Variants in TTYH3 observed in about 807,000 individuals in gnomAD.
TTYH3 encodes protein tweety homolog 3.
Under a neutral mutation model 68.2 loss-of-function variants are expected in TTYH3, and 23 were observed. The observed-to-expected ratio is 0.34, with a 90% CI of 0.24 to 0.48. The LOEUF (loss-of-function observed/expected upper bound fraction) is 0.48, where lower values mean the gene tolerates loss of function less well. Ranked by LOEUF, TTYH3 falls within the 20% of genes least tolerant of loss-of-function variation. The pLI is 0.99. For missense variants in TTYH3, 768 were observed against 727.7 expected, an observed-to-expected ratio of 1.06 and a Z score of -0.64; for synonymous variants, 360 against 332.8, an observed-to-expected ratio of 1.08 and a Z score of -0.89.
In TTYH3 at chr7:2,663,946, T is replaced by A. The variant is rs1403344272; in HGVS notation, c.*2207T>A. ...CCTGCCATTGGTTGTATTTTTGTTC[T>A]GAGTTTTCGGTGCCGTGTTCCTAAC... is the stretch of plus-strand genomic sequence containing the variant. On this transcript the variant is annotated 3_prime_UTR_variant, in exon 14 of 14. Transcript: ENST00000258796. 1 of 152,458 alleles carries A rather than the reference T, an allele frequency of 6.6e-6. No individual in the cohort carries two copies. The highest frequency in any genetic ancestry group is 2.4e-5 in the African/African-American group (1 of 41,470). 9.4% of individuals were successfully genotyped at this position (152,458 alleles called of 1,614,324 possible). A position where few individuals can be genotyped will look rare whatever the true frequency, so the allele number is the denominator to read the frequency against.
intron 13 of TTYH3, chr7:2,660,183 C>G (rs1401946735): frequency 8.7e-7 from 1 of 1,153,420 alleles, no homozygotes; most frequent in African/African-American, 1.7e-5. Context: ...GCTCTGAGTG[C>G]CACGGCTCAG....
intron 6 of TTYH3, 60 bp from the exon 7 acceptor site, chr7:2,649,853 G>A (rs145405862): frequency 2.4e-4 from 378 of 1,592,312 alleles, no homozygotes; most frequent in Non-Finnish European, 3.1e-4. Flanking sequence ...TTCTACCCCC[G>A]AGAGCTTCCC....
chr7:2,647,972 C>A lies in TTYH3; in HGVS notation c.640C>A (p.Leu214Met), dbSNP rs1382870748. The A allele has an allele frequency of 1.2e-6, 2 of 1,608,998 alleles. No individual in the cohort carries two copies. Among genetic ancestry groups the A allele is most frequent in the African/African-American group, 2.7e-5 (2 of 74,922 alleles). ...GTTTGCCTGCAGGTGGCTGGGCTAC[C>A]TGGGCCTGCTGCTGCTGGACGTCAT... ...LYDWYRWLGY[L>M]GLLLLDVIIC... is the part of the protein sequence containing the mutation. Residue 214 changes from leucine (L) to methionine (M), a missense_variant, in exon 5 of 14, where the codon CTG (leucine) becomes ATG (methionine). Transcript: ENST00000258796.
intron 1 of TTYH3, among the ~76,000 whole-genome samples, chr7:2,633,656 A>G (rs1785584918): frequency 6.6e-6 from 1 of 152,230 alleles, no homozygotes; most frequent in African/African-American, 2.4e-5. Context: ...TGGCTTTGCC[A>G]CTTGTCCCTG....
intron 7 of TTYH3, among the ~76,000 whole-genome samples, chr7:2,651,169 T>C (rs1298934174): frequency 6.6e-6 from 1 of 152,068 alleles, no homozygotes; most frequent in African/African-American, 2.4e-5. Context: ...AGGCCCCCCT[T>C]GTGGAATTAT....
chr7:2,649,546 G>A (rs1258665132), intron 5 of TTYH3, 21 bp from the exon 6 acceptor site: 1 of 1,567,252 alleles, frequency 6.4e-7, no homozygotes, highest in Non-Finnish European at 8.6e-7. Context: ...GGGGGCTGCT[G>A]ACTGGCTGTC....
chr7:2,635,160 G>C (rs1374819619), intron 1 of TTYH3, among the ~76,000 whole-genome samples: 1 of 152,190 alleles, frequency 6.6e-6, no homozygotes, highest in African/African-American at 2.4e-5. Context: ...CCCTGCAGCT[G>C]AGCTGGCAGG....
rs560942900 is a variant in TTYH3 at position 2,640,371 on chromosome 7, G to A, written c.124-6482G>A. On this transcript the variant is annotated intron_variant, in intron 1 of 13. Coordinates refer to ENST00000258796, the MANE Select transcript of TTYH3 (RefSeq NM_025250.3). The stretch of plus-strand genomic sequence containing the variant: ...GCGGGGTGGGCAGCTGCTCCCAGGC[G>A]TGTGCATGTAGAGCAGCCGCCTGTG... Among the ~76,000 whole-genome samples the A allele has an allele frequency of 4.3e-4, 65 of 152,154 alleles. No homozygotes were observed. In the South Asian group the frequency reaches 6.0e-3, roughly 14 times the overall value.
In TTYH3 at chr7:2,646,973, G is replaced by A. The variant is rs1480625854; in HGVS notation, c.244G>A (p.Asp82Asn). 7 of 1,594,908 alleles carry A rather than the reference G, an allele frequency of 4.4e-6. No individual in the cohort carries two copies. The highest frequency in any genetic ancestry group is 1.3e-5 in the African/African-American group (1 of 74,806). ...CAAGAGCGAGGAGCACCTGGACGCC[G>A]ACTGCTGCTGCACGGCCTGGTGTGT... ...RRKSEEHLDA[D>N]CCCTAWCVII... Residue 82 changes from aspartate to asparagine, a missense_variant, in exon 2 of 14, where the codon GAC becomes AAC. Physicochemically the swap from Asp to Asn is conservative, Grantham distance 23. Transcript: ENST00000258796.
Position 2,652,253 on chromosome 7 carries a change from G to A in TTYH3, c.927+11G>A, listed in dbSNP as rs774057132. 1 of 1,610,536 alleles carries A rather than the reference G, an allele frequency of 6.2e-7. No individual in the cohort carries two copies. The highest frequency in any genetic ancestry group is 1.1e-5 in the South Asian group (1 of 91,050). On this transcript the variant is annotated intron_variant, in intron 8 of 13. Transcript: ENST00000258796. Reference sequence around the variant, plus strand: ...AACCCCTTCCAGCAGGTGAGAGCCTGGGAGGCCGGGACTGGGCTTCAGGAG... The same window carrying A: ...AACCCCTTCCAGCAGGTGAGAGCCTAGGAGGCCGGGACTGGGCTTCAGGAG...
chr7:2,660,147 C>T (rs1176783337), intron 13 of TTYH3: 87 of 1,191,736 alleles, frequency 7.3e-5, no homozygotes, highest in Non-Finnish European at 2.2e-5. Context: ...GGGGCTCCAT[C>T]TGTCCGGCTC....
At position 2,656,130 on chromosome 7, in the gene TTYH3, G is replaced by A. The variant is rs2109350; in HGVS notation, c.1059G>A (p.Thr353=). 3,938 of 1,569,154 alleles carry A rather than the reference G, an allele frequency of 2.5e-3. 76 individuals carry two copies. The African/African-American group carries it at 0.047, about 19-fold the overall frequency. ...GCGTCCAGGAGGTGCTGAATGGCAC[G>A]GAGGTGAACCTGCAGCACCTCACCG... ...LLRVQEVLNG[T]EVNLQHLTAL... is the part of the protein sequence containing the mutation. The change falls in exon 10 of 14, where the codon ACG becomes ACA. Residue 353 remains threonine, a synonymous_variant. Transcript: ENST00000258796.
chr7:2,637,548 G>C (rs955173443), intron 1 of TTYH3, among the ~76,000 whole-genome samples: 20 of 151,992 alleles, frequency 1.3e-4, no homozygotes, highest in Non-Finnish European at 2.8e-4. Context: ...CAGGGGTGCA[G>C]GTTTAGGGGG....
chr7:2,658,850 G>C, intron 12 of TTYH3, 90 bp from the exon 13 acceptor site: 4 of 1,273,820 alleles, frequency 3.1e-6, no homozygotes, highest in Non-Finnish European at 4.5e-6. Context: ...GCCCATCTGG[G>C]CACAGCGGGC....
intron 11 of TTYH3, among the ~76,000 whole-genome samples, chr7:2,657,978 C>T (rs1786383719): frequency 6.6e-6 from 1 of 152,208 alleles, no homozygotes; most frequent in South Asian, 2.1e-4. Context: ...CCCTGGCCTC[C>T]TGCACTCTCC....
At chr7:2,642,161 G>A (rs992520139) in intron 1 of TTYH3, among the ~76,000 whole-genome samples, 5 of 152,228 alleles carry the variant, frequency 3.3e-5, no homozygotes, top group South Asian at 4.1e-4. Context: ...TTGGGAGGCC[G>A]AGGCAGGTGG....
At position 2,649,562 on chromosome 7, in the gene TTYH3, C is replaced by T; in HGVS notation, c.723-5C>T. 2 of 1,579,830 alleles carry T rather than the reference C, an allele frequency of 1.3e-6. No homozygotes were observed. Among genetic ancestry groups the T allele is most frequent in the Non-Finnish European group, 1.7e-6 (2 of 1,170,028 alleles). On this transcript the variant is annotated splice_region_variant and splice_polypyrimidine_tract_variant and intron_variant, in intron 5 of 13. Coordinates refer to ENST00000258796, the MANE Select transcript of TTYH3 (RefSeq NM_025250.3). Reference sequence around the variant, plus strand: ...GGGGCTGCTGACTGGCTGTCTCTGCCCCAGGGTCTGCCTGCTGGGAGTCCT... The same window carrying T: ...GGGGCTGCTGACTGGCTGTCTCTGCTCCAGGGTCTGCCTGCTGGGAGTCCT...
At chr7:2,644,016 T>C (rs981782839) in intron 1 of TTYH3, among the ~76,000 whole-genome samples, 4 of 152,068 alleles carry the variant, frequency 2.6e-5, no homozygotes, top group Non-Finnish European at 5.9e-5. Flanking sequence ...GGGAGGCCTC[T>C]GCAAGTGGAG....
intron 13 of TTYH3, chr7:2,660,512 T>G: frequency 1.0e-6 from 1 of 985,286 alleles, no homozygotes; most frequent in Non-Finnish European, 1.2e-6. Flanking sequence ...GGGTGCCTGC[T>G]TGGGCTCCTT....
Sources: allele counts gnomAD v4.1 joint callset (sites outside exome capture counted in the v4.1 genomes callset), GRCh38; gene constraint gnomAD v4.1.1; transcripts MANE v1.5; gene names NCBI Gene and HGNC (gene_info 2026-07-23, HGNC 2026-07-21).